The following NFYA variants were observed in gnomAD, a reference collection of about 807,000 sequenced individuals.
The protein encoded by NFYA is nuclear transcription factor Y subunit alpha.
Under a neutral mutation model 52.8 loss-of-function variants are expected in NFYA, and 28 were observed. The ratio of observed to expected loss-of-function variants is 0.53; its 90% CI spans 0.39 to 0.73. NFYA has a LOEUF of 0.73. Among genes scored for constraint, NFYA ranks in the 30% least tolerant of loss-of-function variants. The probability of loss-of-function intolerance (pLI) is 0.00; values close to 1 mark genes in which losing one functional copy is unlikely to be tolerated. For missense variants in NFYA, 234 were observed against 427.0 expected (o/e 0.55, Z 3.98); for synonymous variants, 150 against 150.7 (o/e 1.00, Z 0.03).
intron 9 of NFYA, among the ~76,000 whole-genome samples, chr6:41,096,440 T>G (rs1226350356): frequency 6.6e-6 from 1 of 152,224 alleles, no homozygotes; most frequent in Non-Finnish European, 1.5e-5. Context: ...TTCAGCCTCT[T>G]TTATTTTTAT....
intron 1 of NFYA, among the ~76,000 whole-genome samples, chr6:41,075,002 G>C (rs1367990019): frequency 6.6e-6 from 1 of 151,416 alleles, no homozygotes; most frequent in Non-Finnish European, 1.5e-5. Flanking sequence ...CAGAAAACTC[G>C]TATTCCAGTG....
intron 3 of NFYA, 125 bp from the exon 4 acceptor site, chr6:41,083,921 T>G: frequency 1.1e-6 from 1 of 897,338 alleles, no homozygotes; most frequent in Non-Finnish European, 1.6e-6. Flanking sequence ...AGACATATAT[T>G]TTCTTAGTCT....
intron 4 of NFYA, 142 bp downstream of exon 4, chr6:41,084,334 T>C (rs1047352586): frequency 2.1e-6 from 2 of 962,052 alleles, no homozygotes; most frequent in African/African-American, 1.7e-5. Flanking sequence ...TCTGCCTTTA[T>C]AGTACCAGTG....
At chr6:41,089,549 A>G in intron 4 of NFYA, 30 bp from the exon 5 acceptor site, 1 of 1,587,246 alleles carries the variant, frequency 6.3e-7, no homozygotes, top group Non-Finnish European at 8.6e-7. Context: ...TCAGTAGAGT[A>G]CAATCCTTTT....
Position 41,097,699 on chromosome 6 carries a change from C to A in NFYA, c.*289C>A. 3.2e-6 allele frequency: 1 copy of A among 314,226 alleles called. No individual in the cohort carries two copies. The highest frequency in any genetic ancestry group is 6.0e-6 in the Non-Finnish European group (1 of 165,528). 19.5% of individuals were successfully genotyped at this position (314,226 alleles called of 1,614,324 possible). A position where few individuals can be genotyped will look rare whatever the true frequency, so the allele number is the denominator to read the frequency against. On this transcript the variant is annotated 3_prime_UTR_variant, in exon 10 of 10. Transcript: ENST00000341376. Reference sequence around the variant, plus strand: ...GGAGACACATGCCACCCCAGCAGTACACAAAGCACTTACCTTGACTGGTGA... The same window carrying A: ...GGAGACACATGCCACCCCAGCAGTAAACAAAGCACTTACCTTGACTGGTGA...
intron 6 of NFYA, 135 bp from the exon 7 acceptor site, chr6:41,091,393 T>TC: frequency 1.3e-6 from 1 of 782,448 alleles, no homozygotes; most frequent in Non-Finnish European, 2.0e-6. Flanking sequence ...GAGTACTTTT[T>TC]CTCCCCTTGT....
rs929199293 is a variant in NFYA at position 41,102,285 on chromosome 6, G to A, written c.*4875G>A. On this transcript the variant is annotated 3_prime_UTR_variant, in exon 10 of 10. Transcript: ENST00000341376. ...AAAGCTAGACCTTTGCCTATTATCT[G>A]CTAATCTACCCAGTCTCACATTCTA... Among the ~76,000 whole-genome samples the A allele has an allele frequency of 6.6e-6, 1 of 152,102 alleles. No homozygotes were observed. The highest frequency in any genetic ancestry group is 1.9e-4 in the East Asian group (1 of 5,192).
intron 1 of NFYA, among the ~76,000 whole-genome samples, chr6:41,076,574 T>A (rs572382021): frequency 6.6e-6 from 1 of 152,266 alleles, no homozygotes; most frequent in Non-Finnish European, 1.5e-5. Flanking sequence ...GTCTCAGCTT[T>A]TGCACCTTGG....
intron 1 of NFYA, among the ~76,000 whole-genome samples, chr6:41,077,934 T>C (rs1243329894): frequency 6.6e-6 from 1 of 152,220 alleles, no homozygotes; most frequent in Non-Finnish European, 1.5e-5. Flanking sequence ...TGATTAATTT[T>C]TATTTTGATT....
chr6:41,089,690 G>A lies in NFYA; in HGVS notation c.421G>A (p.Val141Ile), dbSNP rs755141209. ...CATCATCCAGCAGCCCCAGACGGCT[G>A]TCACTGCTGGCCAGACTCAGGTAAT... is the stretch of plus-strand genomic sequence containing the variant. ...QIIIQQPQTA[V>I]TAGQTQTQQQ... The change falls in exon 5 of 10, where the codon GTC becomes ATC. Residue 141 changes from valine to isoleucine, a missense_variant. Physicochemically the swap from Val to Ile is conservative, Grantham distance 29. This residue lies in a region of NFYA where 118 missense variants were observed against 182.4 expected (regional missense o/e 0.65). Coordinates refer to ENST00000341376, the MANE Select transcript of NFYA (RefSeq NM_002505.5). 1.9e-6 allele frequency: 3 copies of A among 1,612,488 alleles called. No homozygotes were observed. Among genetic ancestry groups the A allele is most frequent in the African/African-American group, 2.7e-5 (2 of 74,862 alleles).
intron 2 of NFYA, among the ~76,000 whole-genome samples, 168 bp from the exon 3 acceptor site, chr6:41,080,643 T>C (rs1331777331): frequency 6.6e-6 from 1 of 152,242 alleles, no homozygotes; most frequent in Non-Finnish European, 1.5e-5. Context: ...AGGGCTAATA[T>C]CTTTAATCCT....
At position 41,089,707 on chromosome 6, in the gene NFYA, T is replaced by A; in HGVS notation, c.438T>A (p.Thr146=). The stretch of plus-strand genomic sequence containing the variant: ...AGACGGCTGTCACTGCTGGCCAGAC[T>A]CAGGTAATTCCACTAGCTCTGTCAC... ...QPQTAVTAGQ[T]QTQQQIAVQG... is the part of the protein sequence containing the mutation. The change falls in exon 5 of 10, where the codon ACT becomes ACA. Residue 146 remains threonine, a synonymous_variant. Transcript: ENST00000341376. 1 of 1,611,280 alleles carries A rather than the reference T, an allele frequency of 6.2e-7. No individual in the cohort carries two copies. Among genetic ancestry groups the A allele is most frequent in the Non-Finnish European group, 8.5e-7 (1 of 1,179,386 alleles).
intron 4 of NFYA, among the ~76,000 whole-genome samples, chr6:41,086,673 A>C (rs1370879601): frequency 6.6e-6 from 1 of 152,194 alleles, no homozygotes; most frequent in African/African-American, 2.4e-5. Flanking sequence ...AATTCTGCAT[A>C]TAATTTTAGA....
At chr6:41,088,149 T>C (rs1249743835) in intron 4 of NFYA, among the ~76,000 whole-genome samples, 4 of 152,108 alleles carry the variant, frequency 2.6e-5, no homozygotes, top group African/African-American at 9.7e-5. Context: ...GCCGGTGCGG[T>C]GGCCCACACC....
In NFYA at chr6:41,097,953, A is replaced by G. The variant is rs532129629; in HGVS notation, c.*543A>G. The G allele has an allele frequency of 2.6e-5, 4 of 153,088 alleles. No individual in the cohort carries two copies. Among genetic ancestry groups the G allele is most frequent in the Admixed American group, 6.5e-5 (1 of 15,352 alleles). The allele number at this position is 153,088 out of a possible 1,614,324, so 9.5% of individuals were successfully genotyped here. ...TAAATTCCTGAGATACATTCTTCCA[A>G]TCTGTGGTAATAATAAGAATTCCTC... On this transcript the variant is annotated 3_prime_UTR_variant, in exon 10 of 10. Coordinates refer to ENST00000341376, the MANE Select transcript of NFYA (RefSeq NM_002505.5).
chr6:41,076,501 G>C (rs1449471389), intron 1 of NFYA, among the ~76,000 whole-genome samples: 1 of 152,182 alleles, frequency 6.6e-6, no homozygotes, highest in Non-Finnish European at 1.5e-5. Context: ...TTTCTGAAGA[G>C]GTTTTAGCTT....
chr6:41,090,423 A>C (rs994098213), intron 6 of NFYA, 114 bp downstream of exon 6: 7 of 194,954 alleles, frequency 3.6e-5, no homozygotes, highest in South Asian at 1.2e-4. Context: ...TTTTTTGGAC[A>C]AAAAAAAAAA....
rs1764423603 is a variant in NFYA at position 41,098,641 on chromosome 6, C to T, written c.*1231C>T. On this transcript the variant is annotated 3_prime_UTR_variant, in exon 10 of 10. Transcript: ENST00000341376. ...GTGGATGTTGGCTTCACTCCTGCAG[C>T]ACAATGCTGGCCCTAGAAAGCGAGC... The T allele has an allele frequency of 6.5e-6, 1 of 152,720 alleles. No individual in the cohort carries two copies. The highest frequency in any genetic ancestry group is 2.1e-4 in the South Asian group (1 of 4,830). 9.5% of individuals were successfully genotyped at this position (152,720 alleles called of 1,614,324 possible). A position where few individuals can be genotyped will look rare whatever the true frequency, so the allele number is the denominator to read the frequency against.
In NFYA at chr6:41,091,688, G is replaced by A; in HGVS notation, c.708G>A (p.Met236Ile). Residue 236 changes from methionine (M) to isoleucine (I), a missense_variant, in exon 7 of 10, where the codon ATG (methionine) becomes ATA (isoleucine). Met to Ile is a conservative substitution (Grantham distance 10, BLOSUM62 1). Coordinates refer to ENST00000341376, the MANE Select transcript of NFYA (RefSeq NM_002505.5). ...GCAATGTGGTCAATTCAGGAGGGAT[G>A]GTCATGGTAAGAAAATGTATTTTTC... ...VAGNVVNSGG[M>I]VMMVPGAGSV... is the part of the protein sequence containing the mutation. 6.2e-7 allele frequency: 1 copy of A among 1,608,708 alleles called. No individual in the cohort carries two copies. Among genetic ancestry groups the A allele is most frequent in the Non-Finnish European group, 8.5e-7 (1 of 1,178,414 alleles).
Sources: allele counts gnomAD v4.1 joint callset (sites outside exome capture counted in the v4.1 genomes callset), GRCh38; gene constraint gnomAD v4.1.1; regional missense constraint gnomAD v4.1.1; transcripts MANE v1.5; gene names NCBI Gene and HGNC (gene_info 2026-07-23, HGNC 2026-07-21).